MEGF11: variants seen among roughly 807,000 people sequenced by gnomAD.
The protein encoded by MEGF11 is multiple epidermal growth factor-like domains protein 11.
A neutral mutation model predicts 146.6 loss-of-function variants in MEGF11; 126 were observed. That is an observed-to-expected ratio of 0.86 (90% confidence interval 0.74 to 1.00). The LOEUF (loss-of-function observed/expected upper bound fraction) is 1.00. MEGF11 is among the 50% of genes least tolerant of loss of function. The pLI is 0.00. For synonymous variants in MEGF11, 532 were observed against 583.4 expected, an observed-to-expected ratio of 0.91 and a Z score of 1.27; for missense variants, 1,509 against 1,521.2, an observed-to-expected ratio of 0.99 and a Z score of 0.13.
intron 1 of MEGF11, among the ~76,000 whole-genome samples, chr15:66,211,479 G>A (rs891073095): frequency 7.3e-5 from 11 of 150,518 alleles, no homozygotes; most frequent in Admixed American, 2.0e-4. Context: ...AGCCAAGATG[G>A]CACCACTGCA....
intron 5 of MEGF11, among the ~76,000 whole-genome samples, chr15:66,071,161 C>T (rs1317004989): frequency 1.3e-5 from 2 of 152,104 alleles, no homozygotes; most frequent in East Asian, 3.8e-4. Flanking sequence ...CCCTCCCCGC[C>T]CTCACCTCCT....
intron 1 of MEGF11, among the ~76,000 whole-genome samples, chr15:66,212,739 C>T (rs2091492833): frequency 6.6e-6 from 1 of 152,288 alleles, no homozygotes; most frequent in South Asian, 2.1e-4. Flanking sequence ...TGGCAGATGT[C>T]CTGAGGTGGC....
chr15:66,103,716 C>T (rs2086931456), intron 4 of MEGF11, among the ~76,000 whole-genome samples: 1 of 152,118 alleles, frequency 6.6e-6, no homozygotes, highest in Non-Finnish European at 1.5e-5. Flanking sequence ...GGCACAGGGG[C>T]TGCTACTCCT....
intron 5 of MEGF11, among the ~76,000 whole-genome samples, chr15:66,073,314 G>A (rs989018844): frequency 3.9e-5 from 6 of 152,304 alleles, no homozygotes; most frequent in East Asian, 3.9e-4. Context: ...GAGGATGGGC[G>A]GTGGAAGTGG....
intron 4 of MEGF11, among the ~76,000 whole-genome samples, chr15:66,099,206 T>TTTC (rs757173258): frequency 6.3e-4 from 25 of 39,624 alleles, no homozygotes; most frequent in East Asian, 1.3e-3. Flanking sequence ...TCCTTTTTCT[T>TTTC]TTTTTTTTTT....
intron 4 of MEGF11, among the ~76,000 whole-genome samples, chr15:66,108,500 G>C (rs1446538519): frequency 6.6e-6 from 1 of 152,174 alleles, no homozygotes; most frequent in Non-Finnish European, 1.5e-5. Flanking sequence ...AACAAAACAG[G>C]CTAAGAGGGT....
At chr15:65,990,728 A>G (rs1248087226) in intron 5 of MEGF11, among the ~76,000 whole-genome samples, 1 of 152,010 alleles carries the variant, frequency 6.6e-6, no homozygotes, top group East Asian at 1.9e-4. Context: ...AGAAAGAAAG[A>G]AAGAAAGAAA....
intron 1 of MEGF11, among the ~76,000 whole-genome samples, chr15:66,223,603 A>T (rs1346612700): frequency 6.6e-6 from 1 of 152,160 alleles, no homozygotes; most frequent in African/African-American, 2.4e-5. Context: ...CATGCCTGTA[A>T]TCCCAGCTAC....
At chr15:66,126,005 C>A (rs1024431444) in intron 2 of MEGF11, among the ~76,000 whole-genome samples, 4 of 152,160 alleles carry the variant, frequency 2.6e-5, no homozygotes, top group African/African-American at 4.8e-5. Context: ...GAAGTGTGTA[C>A]CCCTGGTTTC....
intron 5 of MEGF11, among the ~76,000 whole-genome samples, chr15:66,074,519 C>A (rs745378382): frequency 1.3e-5 from 2 of 152,200 alleles, no homozygotes; most frequent in Admixed American, 6.5e-5. Flanking sequence ...GCAGTTGTAA[C>A]CCAGAGGAGA....
chr15:66,055,717 CTTG>C (rs2084647095), intron 5 of MEGF11, among the ~76,000 whole-genome samples: 2 of 152,222 alleles, frequency 1.3e-5, no homozygotes, highest in African/African-American at 2.4e-5. Context: ...AAGGGACCAA[CTTG>C]TTGTTCAGTT....
chr15:65,984,743 T>C (rs1751571464), intron 5 of MEGF11, among the ~76,000 whole-genome samples: 1 of 151,994 alleles, frequency 6.6e-6, no homozygotes, highest in Admixed American at 6.6e-5. Flanking sequence ...ATTATGATAA[T>C]GACAACCACA....
Position 65,982,525 on chromosome 15 carries a change from G to C in MEGF11, c.395-37C>G. 2 of 1,441,812 alleles carry C rather than the reference G, an allele frequency of 1.4e-6. No individual in the cohort carries two copies. Among genetic ancestry groups the C allele is most frequent in the Non-Finnish European group, 1.8e-6 (2 of 1,099,816 alleles). 89.3% of individuals were successfully genotyped at this position (1,441,812 alleles called of 1,614,324 possible). On this transcript the variant is annotated intron_variant, in intron 5 of 25. Coordinates refer to ENST00000395614, the MANE Select transcript of MEGF11 (RefSeq NM_001385028.1). The surrounding 1 kb of genome is among the most constrained non-coding windows in gnomAD (Gnocchi z 5.6). Reference sequence around the variant, plus strand: ...GGGACAGTCAGGGATCAGGAGCCCCGAAGGCTCTCCTTGGGGCAGGGGCCA... The same window carrying C: ...GGGACAGTCAGGGATCAGGAGCCCCCAAGGCTCTCCTTGGGGCAGGGGCCA...
At position 65,965,097 on chromosome 15, in the gene MEGF11, C is replaced by G; in HGVS notation, c.923G>C (p.Gly308Ala). 6.3e-7 allele frequency: 1 copy of G among 1,594,808 alleles called. No homozygotes were observed. The highest frequency in any genetic ancestry group is 2.3e-5 in the East Asian group (1 of 44,170). The change falls in exon 9 of 26, where the codon GGG becomes GCG. Residue 308 changes from glycine (G) to alanine (A), a missense_variant. Transcript: ENST00000395614. ...GDRCQEECPF[G>A]SFGFQCSQHC... ...CTGTGAGCACTGGAAGCCGAAGGAC[C>G]CGAAGGGGCACTCCTCTTGGCACCT... is the stretch of plus-strand genomic sequence containing the variant.
intron 5 of MEGF11, among the ~76,000 whole-genome samples, chr15:66,075,694 T>C (rs2140497913): frequency 6.6e-6 from 1 of 152,182 alleles, no homozygotes; most frequent in Admixed American, 6.5e-5. Context: ...GGAGAAAAGG[T>C]CGGGACCCAG....
At chr15:66,229,870 C>T (rs576401767) in intron 1 of MEGF11, among the ~76,000 whole-genome samples, 12 of 152,308 alleles carry the variant, frequency 7.9e-5, no homozygotes, top group Non-Finnish European at 1.3e-4. Context: ...TGGGGCTGGC[C>T]TCAGAAAGGT....
At chr15:66,032,140 A>G (rs1323739522) in intron 5 of MEGF11, among the ~76,000 whole-genome samples, 1 of 152,214 alleles carries the variant, frequency 6.6e-6, no homozygotes, top group Admixed American at 6.5e-5. Flanking sequence ...ATTGTCCTCC[A>G]TGAAACTGGT....
At chr15:66,100,081 G>C (rs2086724939) in intron 4 of MEGF11, among the ~76,000 whole-genome samples, 1 of 152,180 alleles carries the variant, frequency 6.6e-6, no homozygotes, top group Admixed American at 6.5e-5. Context: ...TGCGCTTTGG[G>C]GGGGAAATGT....
rs956147912 is a variant in MEGF11, at chr15:66,048,450, C to T, written c.394+45952G>A. Among the ~76,000 whole-genome samples, 5 of 152,262 alleles carry T rather than the reference C, an allele frequency of 3.3e-5. 1 individual carries two copies. Among genetic ancestry groups the T allele is most frequent in the South Asian group, 4.1e-4 (2 of 4,834 alleles). ...GGCATGGATTTCAACAAGGGACAGA[C>T]GGCTTCTCTCTGCAGCCCAGGGGCT... On this transcript the variant is annotated intron_variant, in intron 5 of 25. Transcript: ENST00000395614.
Sources: gnomAD v4.1 joint callset for allele counts (sites outside exome capture counted in the v4.1 genomes callset) on GRCh38, gnomAD v4.1.1 for gene constraint, Gnocchi (gnomAD v3.1) non-coding constraint, MANE v1.5 for transcripts, NCBI Gene and HGNC (gene_info 2026-07-23, HGNC 2026-07-21) for gene names.